TNFSF4: variants seen among roughly 807,000 people sequenced by gnomAD.
TNFSF4 encodes tumor necrosis factor ligand superfamily member 4.
TNFSF4 carries 4 observed loss-of-function variants against 7.3 expected under a neutral mutation model. The observed-to-expected ratio is 0.55, with a 90% CI of 0.27 to 1.25. TNFSF4 has a LOEUF of 1.25. TNFSF4 is among the 50% of genes most tolerant of loss of function. The pLI, the probability that TNFSF4 is intolerant of heterozygous loss-of-function variation, is 0.12. For synonymous variants in TNFSF4, 76 were observed against 83.7 expected, an observed-to-expected ratio of 0.91 and a Z score of 0.50; for missense variants, 181 against 208.8, an observed-to-expected ratio of 0.87 and a Z score of 0.82.
At chr1:173,398,409 C>CTTTTTTTTTT in the TNFSF4 span, among the ~76,000 whole-genome samples, 98 of 101,534 alleles carry the variant, frequency 9.7e-4, 1 homozygote, top group African/African-American at 1.1e-3. Flanking sequence ...TATTTCTTTT[C>CTTTTTTTTTT]TTTTTTTTTT....
chr1:173,213,769 T>C, the TNFSF4 span, among the ~76,000 whole-genome samples: 1 of 152,210 alleles, frequency 6.6e-6, no homozygotes, highest in East Asian at 1.9e-4. Context: ...ATACTGAATA[T>C]ATGAGACATT....
chr1:173,381,687 G>A, the TNFSF4 span, among the ~76,000 whole-genome samples: 1 of 152,192 alleles, frequency 6.6e-6, no homozygotes, highest in Non-Finnish European at 1.5e-5. Context: ...CTATCCAGCA[G>A]GAAGTAGCTA....
At chr1:173,404,371 C>G in the TNFSF4 span, among the ~76,000 whole-genome samples, 1 of 152,196 alleles carries the variant, frequency 6.6e-6, no homozygotes, top group African/African-American at 2.4e-5. Context: ...TAACTCAGAG[C>G]AGCAGCCTAC....
At chr1:173,354,143 G>T in the TNFSF4 span, among the ~76,000 whole-genome samples, 1 of 151,850 alleles carries the variant, frequency 6.6e-6, no homozygotes, top group Non-Finnish European at 1.5e-5. Flanking sequence ...AGCACAATCA[G>T]AAATAATAAG....
At chr1:173,272,124 A>C in the TNFSF4 span, among the ~76,000 whole-genome samples, 1 of 151,974 alleles carries the variant, frequency 6.6e-6, no homozygotes, top group Admixed American at 6.6e-5. Context: ...AAATATTCTC[A>C]CTCATAGGTG....
intron 1 of TNFSF4, among the ~76,000 whole-genome samples, chr1:173,203,533 A>C (rs530428163): frequency 2.0e-5 from 3 of 152,296 alleles, no homozygotes; most frequent in Admixed American, 2.0e-4. Flanking sequence ...TTTTTCAGGC[A>C]AACTCCTCTT....
the TNFSF4 span, among the ~76,000 whole-genome samples, chr1:173,428,871 G>A: frequency 1.3e-5 from 2 of 152,148 alleles, no homozygotes; most frequent in South Asian, 4.1e-4. Context: ...GCCAGGCATG[G>A]TGGCAGGTGC....
At chr1:173,397,544 C>T in the TNFSF4 span, among the ~76,000 whole-genome samples, 1 of 152,160 alleles carries the variant, frequency 6.6e-6, no homozygotes, top group Non-Finnish European at 1.5e-5. Context: ...TAGCTCAGTT[C>T]ATCTCATAGT....
chr1:173,343,719 T>C, the TNFSF4 span, among the ~76,000 whole-genome samples: 1 of 152,164 alleles, frequency 6.6e-6, no homozygotes, highest in Non-Finnish European at 1.5e-5. Flanking sequence ...GATAACATGT[T>C]TTACAGGTAC....
chr1:173,249,453 T>C, the TNFSF4 span, among the ~76,000 whole-genome samples: 4 of 152,224 alleles, frequency 2.6e-5, no homozygotes, highest in African/African-American at 9.6e-5. Flanking sequence ...AAAGCTATAC[T>C]CTTAGTGTCT....
At chr1:173,388,906 T>C in the TNFSF4 span, among the ~76,000 whole-genome samples, 274 of 152,240 alleles carry the variant, frequency 1.8e-3, 2 homozygotes, top group South Asian at 1.0e-3. Context: ...GCCCAGAAAC[T>C]AAAAAGTTTC....
the TNFSF4 span, among the ~76,000 whole-genome samples, chr1:173,270,700 A>G: frequency 2.6e-5 from 4 of 152,296 alleles, no homozygotes; most frequent in Non-Finnish European, 4.4e-5. Flanking sequence ...GCAAACAAGC[A>G]ACAAGGGAGC....
the TNFSF4 span, among the ~76,000 whole-genome samples, chr1:173,301,479 G>A: frequency 2.0e-5 from 3 of 151,784 alleles, no homozygotes; most frequent in Non-Finnish European, 4.4e-5. Flanking sequence ...CACAGTGCCT[G>A]GCACATAAGA....
At chr1:173,335,767 T>C in the TNFSF4 span, among the ~76,000 whole-genome samples, 1 of 152,168 alleles carries the variant, frequency 6.6e-6, no homozygotes, top group South Asian at 2.1e-4. Flanking sequence ...CAGGTCTTCT[T>C]GAGGAAGAAC....
chr1:173,392,373 A>G, the TNFSF4 span, among the ~76,000 whole-genome samples: 1 of 152,346 alleles, frequency 6.6e-6, no homozygotes, highest in South Asian at 2.1e-4. Flanking sequence ...CCCAGAAAAC[A>G]AAAAGGGAAA....
chr1:173,403,547 A>G, the TNFSF4 span, among the ~76,000 whole-genome samples: 6 of 152,342 alleles, frequency 3.9e-5, no homozygotes, highest in East Asian at 1.2e-3. Context: ...CATACGTAAC[A>G]ATTGAGATTT....
At chr1:173,299,998 A>G in the TNFSF4 span, among the ~76,000 whole-genome samples, 1 of 151,904 alleles carries the variant, frequency 6.6e-6, no homozygotes, top group South Asian at 2.1e-4. Context: ...TCAATCTCTA[A>G]AAGGCATATT....
the TNFSF4 span, among the ~76,000 whole-genome samples, chr1:173,316,713 T>C: frequency 6.6e-6 from 1 of 152,134 alleles, no homozygotes; most frequent in Non-Finnish European, 1.5e-5. Flanking sequence ...CTATAGTTTT[T>C]TTCATTTTAA....
At chr1:173,227,747 GCTTTTCCAATGGT>G in the TNFSF4 span, among the ~76,000 whole-genome samples, 1 of 152,198 alleles carries the variant, frequency 6.6e-6, no homozygotes, top group Non-Finnish European at 1.5e-5. Flanking sequence ...CTAATACTGT[GCTTTTCCAATGGT>G]CTTAGCAAAC....
Sources: gnomAD v4.1 joint callset for allele counts (sites outside exome capture counted in the v4.1 genomes callset) on GRCh38, gnomAD v4.1.1 for gene constraint, MANE v1.5 for transcripts, NCBI Gene and HGNC (gene_info 2026-07-23, HGNC 2026-07-21) for gene names.